Variants in ZNF385D observed in about 807,000 individuals in gnomAD.
ZNF385D encodes zinc finger protein 659.
A neutral mutation model predicts 35.8 loss-of-function variants in ZNF385D; 15 were observed. The ratio of observed to expected loss-of-function variants is 0.42; its 90% CI spans 0.28 to 0.64. The LOEUF is 0.64. Ranked by LOEUF, ZNF385D falls within the 30% of genes least tolerant of loss-of-function variation. ZNF385D has a pLI of 0.23. For missense variants in ZNF385D, 474 were observed against 494.6 expected, an observed-to-expected ratio of 0.96 and a Z score of 0.39; for synonymous variants, 212 against 186.8, an observed-to-expected ratio of 1.13 and a Z score of -1.10.
At chr3:21,916,481 G>T (rs2125919460) in intron 3 of ZNF385D, among the ~76,000 whole-genome samples, 1 of 152,126 alleles carries the variant, frequency 6.6e-6, no homozygotes, top group East Asian at 1.9e-4. Flanking sequence ...GAGAGTATAA[G>T]CAAAAAGAAC....
intron 3 of ZNF385D, among the ~76,000 whole-genome samples, chr3:21,995,419 T>C (rs978807986): frequency 6.6e-6 from 1 of 152,070 alleles, no homozygotes; most frequent in Non-Finnish European, 1.5e-5. Context: ...GAGGCTAGTT[T>C]ATCCCCAGGA....
At chr3:21,783,204 A>T (rs2071559188) in intron 3 of ZNF385D, among the ~76,000 whole-genome samples, 1 of 152,182 alleles carries the variant, frequency 6.6e-6, no homozygotes, top group Admixed American at 6.5e-5. Context: ...CATCTGAAAC[A>T]ACTTGAAAAA....
chr3:22,183,450 C>T (rs894723987), intron 2 of ZNF385D, among the ~76,000 whole-genome samples: 9 of 151,928 alleles, frequency 5.9e-5, no homozygotes, highest in East Asian at 1.9e-4. Flanking sequence ...CTCCGCCTCC[C>T]GGGTTCAAGC....
intron 3 of ZNF385D, among the ~76,000 whole-genome samples, chr3:22,078,296 C>T (rs769207748): frequency 5.9e-5 from 9 of 151,916 alleles, no homozygotes; most frequent in Non-Finnish European, 1.2e-4. Flanking sequence ...ACAAATTAAA[C>T]GCTTGAATGA....
intron 4 of ZNF385D, among the ~76,000 whole-genome samples, chr3:21,463,614 G>T (rs1340947557): frequency 6.6e-6 from 1 of 152,040 alleles, no homozygotes; most frequent in Non-Finnish European, 1.5e-5. Context: ...TGGCTGGCTC[G>T]CTTTCTCTCA....
Position 22,092,647 on chromosome 3 carries a change from C to T in ZNF385D, c.325+76170G>A, listed in dbSNP as rs142626698. Among the ~76,000 whole-genome samples, 5 of 152,130 alleles carry T rather than the reference C, an allele frequency of 3.3e-5. No homozygotes were observed. The East Asian group carries it at 9.7e-4, about 29-fold the overall frequency. On this transcript the variant is annotated intron_variant, in intron 3 of 5. Coordinates refer to the ZNF385D transcript ENST00000494108. ...ATCAATTCAGCCTTATGGGTAGTGG[C>T]CCCTATAATTTGCTATTACTCTATT...
At chr3:22,029,595 A>C (rs1697795083) in intron 3 of ZNF385D, among the ~76,000 whole-genome samples, 1 of 152,228 alleles carries the variant, frequency 6.6e-6, no homozygotes, top group Non-Finnish European at 1.5e-5. Context: ...TTCTTTTGTT[A>C]AAAACATGTT....
At chr3:21,701,267 C>A (rs1385505433) in intron 1 of ZNF385D, among the ~76,000 whole-genome samples, 1 of 150,414 alleles carries the variant, frequency 6.6e-6, no homozygotes, top group Non-Finnish European at 1.5e-5. Context: ...TGGCAGGAGG[C>A]AAAAGGCACT....
chr3:21,726,774 C>T (rs1239151096), intron 1 of ZNF385D, among the ~76,000 whole-genome samples: 1 of 152,102 alleles, frequency 6.6e-6, no homozygotes, highest in Non-Finnish European at 1.5e-5. Flanking sequence ...TTAATGCTAT[C>T]CCCATCAAGC....
At chr3:22,313,317 T>C (rs1270927776) in intron 2 of ZNF385D, among the ~76,000 whole-genome samples, 1 of 151,240 alleles carries the variant, frequency 6.6e-6, no homozygotes, top group African/African-American at 2.4e-5. Flanking sequence ...AGTTAATGGG[T>C]GCAGCACACC....
chr3:22,310,447 T>A (rs1252678647), intron 2 of ZNF385D, among the ~76,000 whole-genome samples: 1 of 151,984 alleles, frequency 6.6e-6, no homozygotes, highest in Non-Finnish European at 1.5e-5. Flanking sequence ...CTATAATATA[T>A]CCAACTCACT....
At chr3:22,350,342 C>T (rs1420156969) in intron 2 of ZNF385D, among the ~76,000 whole-genome samples, 2 of 152,062 alleles carry the variant, frequency 1.3e-5, no homozygotes, top group African/African-American at 4.8e-5. Flanking sequence ...TTTCTTTGTG[C>T]AGTTAACCCT....
At chr3:21,528,969 C>A (rs1217923659) in intron 3 of ZNF385D, among the ~76,000 whole-genome samples, 1 of 152,174 alleles carries the variant, frequency 6.6e-6, no homozygotes, top group Non-Finnish European at 1.5e-5. Context: ...TTGGAGGCCT[C>A]TTTTGAGTAT....
chr3:22,006,336 T>G (rs1576135795), intron 3 of ZNF385D, among the ~76,000 whole-genome samples: 1 of 152,148 alleles, frequency 6.6e-6, no homozygotes, highest in Admixed American at 6.5e-5. Context: ...TACAAAAATC[T>G]GGGTCTGTGT....
At chr3:21,536,605 G>A (rs930951636) in intron 3 of ZNF385D, among the ~76,000 whole-genome samples, 6 of 151,940 alleles carry the variant, frequency 3.9e-5, no homozygotes, top group Non-Finnish European at 7.4e-5. Flanking sequence ...CACTATATAT[G>A]AAGCAATACT....
At chr3:22,065,941 G>C (rs757862840) in intron 3 of ZNF385D, among the ~76,000 whole-genome samples, 10 of 152,114 alleles carry the variant, frequency 6.6e-5, no homozygotes, top group Non-Finnish European at 1.3e-4. Context: ...GGAGTGAGGA[G>C]AACAGTATCT....
chr3:22,027,558 G>C (rs908748268), intron 3 of ZNF385D, among the ~76,000 whole-genome samples: 8 of 152,164 alleles, frequency 5.3e-5, no homozygotes, highest in African/African-American at 1.7e-4. Context: ...CTCTTGGCCT[G>C]TTACTGGGCT....
intron 1 of ZNF385D, among the ~76,000 whole-genome samples, chr3:21,703,143 C>T (rs554861223): frequency 6.6e-6 from 1 of 152,228 alleles, no homozygotes; most frequent in South Asian, 2.1e-4. Flanking sequence ...AGAAAAAGAG[C>T]TTTAATTGGA....
intron 3 of ZNF385D, among the ~76,000 whole-genome samples, chr3:21,813,638 G>A (rs1300957605): frequency 6.6e-6 from 1 of 152,112 alleles, no homozygotes; most frequent in Non-Finnish European, 1.5e-5. Flanking sequence ...GAAGTGAGAA[G>A]AGAAGTTTAG....
Sources: allele counts gnomAD v4.1 joint callset (sites outside exome capture counted in the v4.1 genomes callset), GRCh38; gene constraint gnomAD v4.1.1; transcripts MANE v1.5; gene names NCBI Gene and HGNC (gene_info 2026-07-23, HGNC 2026-07-21).